The following NXPH2 variants were observed in gnomAD, a reference collection of about 807,000 sequenced individuals.
NXPH2 encodes neurexophilin-2.
In NXPH2, 5 loss-of-function variants were observed where a neutral mutation model predicts 19.8. The ratio of observed to expected loss-of-function variants is 0.25; its 90% CI spans 0.13 to 0.53. The LOEUF (loss-of-function observed/expected upper bound fraction) is 0.53. Among genes scored for constraint, NXPH2 ranks in the 20% least tolerant of loss-of-function variants. The pLI, the probability that NXPH2 is intolerant of heterozygous loss-of-function variation, is 0.96. For missense variants in NXPH2, 289 were observed against 322.8 expected (o/e 0.90, Z 0.80); for synonymous variants, 154 against 127.4 (o/e 1.21, Z -1.41).
At position 138,671,270 on chromosome 2, in the gene NXPH2, A is replaced by T. The variant is rs745993803; in HGVS notation, c.447T>A (p.Asn149Lys). The T allele has an allele frequency of 5.6e-6, 9 of 1,613,788 alleles. No homozygotes were observed. ...CTGAAACATTGCCCAGGCCTGTTGAATTATGTCGGAAATACACACTGAAGG... is the reference window on the plus strand; with the variant it reads ...CTGAAACATTGCCCAGGCCTGTTGATTTATGTCGGAAATACACACTGAAGG... The part of the protein sequence containing the change: ...NGTFSVYFRH[N>K]STGLGNVSVS... The change falls in exon 2 of 2, where the codon AAT (asparagine) becomes AAA (lysine). Residue 149 changes from asparagine (N) to lysine (K), a missense_variant. Asn to Lys is a moderately conservative substitution (Grantham distance 94, BLOSUM62 0). Coordinates refer to ENST00000272641, the MANE Select transcript of NXPH2 (RefSeq NM_007226.3).
intron 1 of NXPH2, among the ~76,000 whole-genome samples, chr2:138,733,143 A>AT (rs1299120385): frequency 4.5e-4 from 69 of 152,308 alleles, no homozygotes; most frequent in African/African-American, 1.6e-3. Context: ...CATCCATCCC[A>AT]TATCTACACA....
intron 1 of NXPH2, among the ~76,000 whole-genome samples, chr2:138,694,835 C>A (rs1263422224): frequency 6.6e-6 from 1 of 152,126 alleles, no homozygotes; most frequent in African/African-American, 2.4e-5. Context: ...AACAGATATT[C>A]TAGAACGTAT....
intron 1 of NXPH2, among the ~76,000 whole-genome samples, chr2:138,733,105 C>T (rs973656414): frequency 1.1e-4 from 16 of 152,160 alleles, no homozygotes; most frequent in Non-Finnish European, 2.1e-4. Context: ...CTTACTGAAG[C>T]AATTTGTGTT....
At chr2:138,698,794 C>A (rs1296564061) in intron 1 of NXPH2, among the ~76,000 whole-genome samples, 6 of 151,990 alleles carry the variant, frequency 3.9e-5, no homozygotes. Context: ...TTAGAGGGGG[C>A]AGTAAGCTAT....
intron 1 of NXPH2, among the ~76,000 whole-genome samples, chr2:138,672,718 G>C (rs1310713781): frequency 1.3e-5 from 2 of 152,202 alleles, no homozygotes; most frequent in African/African-American, 2.4e-5. Context: ...CGATGAAATG[G>C]ATGAGGAAAG....
chr2:138,729,422 T>A (rs988186438), intron 1 of NXPH2, among the ~76,000 whole-genome samples: 2 of 152,190 alleles, frequency 1.3e-5, no homozygotes, highest in Non-Finnish European at 2.9e-5. Context: ...TCCTGAGGCC[T>A]CTCCAGCCTT....
In NXPH2 at chr2:138,670,764, G is replaced by A; in HGVS notation, c.*158C>T. 1 of 710,878 alleles carries A rather than the reference G, an allele frequency of 1.4e-6. No homozygotes were observed. Among genetic ancestry groups the A allele is most frequent in the South Asian group, 2.7e-5 (1 of 37,600 alleles). The allele number at this position is 710,878 out of a possible 1,614,324, so 44.0% of individuals were successfully genotyped here. A position where few individuals can be genotyped will look rare whatever the true frequency, so the allele number is the denominator to read the frequency against. ...GAAAGAAACAAATTTCACACTTAAAGATGTCTCTTTTTCTTTTTTTAAATT... is the reference window on the plus strand; with the variant it reads ...GAAAGAAACAAATTTCACACTTAAAAATGTCTCTTTTTCTTTTTTTAAATT... On this transcript the variant is annotated 3_prime_UTR_variant, in exon 2 of 2. Transcript: ENST00000272641.
In NXPH2 at chr2:138,670,960, T is replaced by G; in HGVS notation, c.757A>C (p.Asn253His). ...AAGTATGGGGTCTCACTATGGTAATTGTAGTCAGGGCACACCTTTTGCACG... is the reference window on the plus strand; with the variant it reads ...AAGTATGGGGTCTCACTATGGTAATGGTAGTCAGGGCACACCTTTTGCACG... ...KLVQKVCPDYNYHSETPYLSS... is the reference protein window; with the variant it reads ...KLVQKVCPDYHYHSETPYLSS... The change falls in exon 2 of 2, where the codon AAT becomes CAT. Residue 253 changes from asparagine to histidine, a missense_variant. Coordinates refer to ENST00000272641, the MANE Select transcript of NXPH2 (RefSeq NM_007226.3). 1 of 1,613,788 alleles carries G rather than the reference T, an allele frequency of 6.2e-7. No individual in the cohort carries two copies. Among genetic ancestry groups the G allele is most frequent in the Non-Finnish European group, 8.5e-7 (1 of 1,179,830 alleles).
At chr2:138,741,233 C>T (rs545163328) in intron 1 of NXPH2, among the ~76,000 whole-genome samples, 10 of 152,222 alleles carry the variant, frequency 6.6e-5, no homozygotes, top group South Asian at 2.1e-4. Context: ...CATGCAGGGG[C>T]GTTAGTCCAT....
intron 1 of NXPH2, among the ~76,000 whole-genome samples, chr2:138,679,470 G>A (rs1469051638): frequency 6.7e-6 from 1 of 149,278 alleles, no homozygotes; most frequent in Non-Finnish European, 1.5e-5. Context: ...GCGCGATCTC[G>A]GCTCACTGCA....
rs1465237170 is a variant in NXPH2, at chr2:138,730,572, A to AGGCAGCCCAG, written c.51+49609_51+49618dup. Among the ~76,000 whole-genome samples, 45 of 152,220 alleles carry AGGCAGCCCAG rather than the reference A, an allele frequency of 3.0e-4. 1 individual carries two copies. Among genetic ancestry groups the AGGCAGCCCAG allele is most frequent in the African/African-American group, 1.0e-3 (42 of 41,532 alleles). On this transcript the variant is annotated intron_variant, in intron 1 of 1. Transcript: ENST00000272641. ...AACTACACTGAGGCACCATGCTATG[A>AGGCAGCCCAG]GGCAGCCCAGGGCAGAGACCATTTG...
At chr2:138,738,228 T>C (rs768185088) in intron 1 of NXPH2, among the ~76,000 whole-genome samples, 30 of 152,318 alleles carry the variant, frequency 2.0e-4, no homozygotes, top group Non-Finnish European at 3.5e-4. Flanking sequence ...TTGAGTTCTA[T>C]ATCTGACTTT....
chr2:138,716,912 AAC>A (rs1470320642), intron 1 of NXPH2, among the ~76,000 whole-genome samples: 4 of 152,226 alleles, frequency 2.6e-5, no homozygotes, highest in Non-Finnish European at 5.9e-5. Flanking sequence ...CAAAATTAAT[AAC>A]ACACTTAACT....
chr2:138,688,840 C>T (rs544336440), intron 1 of NXPH2, among the ~76,000 whole-genome samples: 1 of 152,158 alleles, frequency 6.6e-6, no homozygotes, highest in African/African-American at 2.4e-5. Flanking sequence ...CCCCAACCCC[C>T]GGCCGAAACT....
At chr2:138,746,746 A>G (rs1681742169) in intron 1 of NXPH2, among the ~76,000 whole-genome samples, 1 of 152,118 alleles carries the variant, frequency 6.6e-6, no homozygotes, top group Admixed American at 6.5e-5. Flanking sequence ...TCACTGACCA[A>G]ATTCCTACCA....
intron 1 of NXPH2, among the ~76,000 whole-genome samples, chr2:138,760,158 G>T (rs1002963330): frequency 6.6e-6 from 1 of 151,962 alleles, no homozygotes; most frequent in Non-Finnish European, 1.5e-5. Flanking sequence ...CAAAGAAGTG[G>T]GAAAATTAAC....
chr2:138,768,185 A>G lies in NXPH2; in HGVS notation c.51+12006T>C, dbSNP rs562384820. 7.4e-4 allele frequency among the ~76,000 whole-genome samples: 113 copies of G among 152,246 alleles called. 1 individual carries two copies. Among genetic ancestry groups the G allele is most frequent in the African/African-American group, 2.6e-3 (109 of 41,534 alleles). ...GTTCTTTGTATTATTGCTTGCCTCC[A>G]AGGTAAGTTGTTCTGTTTTCTCTTT... On this transcript the variant is annotated intron_variant, in intron 1 of 1. Transcript: ENST00000272641.
chr2:138,774,141 T>G (rs1001617380), intron 1 of NXPH2, among the ~76,000 whole-genome samples: 9 of 152,226 alleles, frequency 5.9e-5, no homozygotes, highest in Non-Finnish European at 1.3e-4. Context: ...TTTATCTTAA[T>G]AATTAGAATT....
At chr2:138,764,555 A>C (rs1243393543) in intron 1 of NXPH2, among the ~76,000 whole-genome samples, 7 of 152,242 alleles carry the variant, frequency 4.6e-5, no homozygotes, top group Admixed American at 4.6e-4. Flanking sequence ...TTAGGACAGC[A>C]ATGGTGAAAC....
Sources: gnomAD v4.1 joint callset for allele counts (sites outside exome capture counted in the v4.1 genomes callset) on GRCh38, gnomAD v4.1.1 for gene constraint, MANE v1.5 for transcripts, NCBI Gene and HGNC (gene_info 2026-07-23, HGNC 2026-07-21) for gene names.